Variants in TMEM74 observed in about 807,000 individuals in gnomAD.
TMEM74 encodes the protein transmembrane protein 74.
Under a neutral mutation model 18.1 loss-of-function variants are expected in TMEM74, and 13 were observed. The ratio of observed to expected loss-of-function variants is 0.72; its 90% CI spans 0.47 to 1.14. TMEM74 has a LOEUF of 1.14. Ranked by LOEUF, TMEM74 falls within the 50% of genes most tolerant of loss-of-function variation. The probability of loss-of-function intolerance (pLI) is 0.00; values close to 1 mark genes in which losing one functional copy is unlikely to be tolerated. For synonymous variants in TMEM74, 159 were observed against 146.6 expected (o/e 1.08, Z -0.61); for missense variants, 372 against 375.9 (o/e 0.99, Z 0.09).
intron 1 of TMEM74, among the ~76,000 whole-genome samples, chr8:108,771,453 A>G (rs13272859): frequency 0.26 from 39,106 of 152,160 alleles, 5,514 homozygotes; most frequent in Middle Eastern, 0.33. Flanking sequence ...ATACAAAAAA[A>G]TTATCAATAA....
chr8:108,760,694 T>C (rs1423190399), intron 1 of TMEM74, among the ~76,000 whole-genome samples: 1 of 152,014 alleles, frequency 6.6e-6, no homozygotes, highest in Non-Finnish European at 1.5e-5. Context: ...ATGTCATGCC[T>C]GATAGCTGGT....
chr8:108,610,356 C>T (rs1812322748), intron 2 of TMEM74, among the ~76,000 whole-genome samples: 1 of 152,156 alleles, frequency 6.6e-6, no homozygotes, highest in Non-Finnish European at 1.5e-5. Context: ...TGCATCTGTT[C>T]ATTCAATAAA....
intron 1 of TMEM74, among the ~76,000 whole-genome samples, chr8:108,669,081 C>T (rs1255403837): frequency 2.0e-5 from 3 of 152,030 alleles, no homozygotes; most frequent in African/African-American, 7.2e-5. Flanking sequence ...CCCTACTCAA[C>T]CATTCCCCCT....
intron 1 of TMEM74, among the ~76,000 whole-genome samples, chr8:108,716,752 T>C (rs1391666749): frequency 6.6e-6 from 1 of 151,408 alleles, no homozygotes; most frequent in Non-Finnish European, 1.5e-5. Flanking sequence ...TAACATTGGT[T>C]TAAAACATCA....
At chr8:108,724,993 C>A (rs183405342) in intron 1 of TMEM74, among the ~76,000 whole-genome samples, 1 of 152,346 alleles carries the variant, frequency 6.6e-6, no homozygotes, top group Non-Finnish European at 1.5e-5. Flanking sequence ...CTCTGCCAAC[C>A]AGCCTGGGCA....
At chr8:108,764,643 T>G (rs976445404) in intron 1 of TMEM74, among the ~76,000 whole-genome samples, 3 of 152,078 alleles carry the variant, frequency 2.0e-5, no homozygotes, top group African/African-American at 7.2e-5. Flanking sequence ...GAGACAGTAT[T>G]TCTTTATGCT....
In TMEM74 at chr8:108,715,225, C is replaced by T. The variant is rs562504442; in HGVS notation, n.120-59788G>A. Reference sequence around the variant, plus strand: ...AAATATCTTTATTTAAGCTAAATATCAGGTACTTATGGACACAAAGATGGC... The same window carrying T: ...AAATATCTTTATTTAAGCTAAATATTAGGTACTTATGGACACAAAGATGGC... On this transcript the variant is annotated intron_variant and non_coding_transcript_variant, in intron 1 of 3. Coordinates refer to the TMEM74 transcript ENST00000518838. 2.1e-4 allele frequency among the ~76,000 whole-genome samples: 32 copies of T among 151,572 alleles called. No individual in the cohort carries two copies. In the East Asian group the frequency reaches 5.8e-3, roughly 27 times the overall value.
At chr8:108,698,019 T>G (rs934709546) in intron 1 of TMEM74, among the ~76,000 whole-genome samples, 5 of 152,204 alleles carry the variant, frequency 3.3e-5, no homozygotes, top group Non-Finnish European at 7.3e-5. Context: ...CTCTTGTTCA[T>G]GTGGTTTTTT....
At chr8:108,696,623 A>G (rs1813284118) in intron 1 of TMEM74, among the ~76,000 whole-genome samples, 1 of 152,234 alleles carries the variant, frequency 6.6e-6, no homozygotes, top group Non-Finnish European at 1.5e-5. Flanking sequence ...TACTGTAGTA[A>G]CATTTGGCAG....
chr8:108,692,873 A>G (rs1297365229), intron 1 of TMEM74, among the ~76,000 whole-genome samples: 1 of 152,210 alleles, frequency 6.6e-6, no homozygotes, highest in Non-Finnish European at 1.5e-5. Context: ...AATCTGCTGC[A>G]GCCCTATTCA....
At chr8:108,753,884 T>C (rs991587376) in intron 1 of TMEM74, among the ~76,000 whole-genome samples, 15 of 152,140 alleles carry the variant, frequency 9.9e-5, no homozygotes, top group African/African-American at 3.4e-4. Flanking sequence ...TTACCCCTTC[T>C]ACTGATGTTA....
intron 1 of TMEM74, among the ~76,000 whole-genome samples, chr8:108,769,012 G>T (rs1373786567): frequency 6.6e-6 from 1 of 152,072 alleles, no homozygotes; most frequent in African/African-American, 2.4e-5. Context: ...TATTAAAAAT[G>T]TCACGTGAGG....
At chr8:108,625,549 T>C (rs773665401) in intron 2 of TMEM74, among the ~76,000 whole-genome samples, 5 of 151,992 alleles carry the variant, frequency 3.3e-5, no homozygotes, top group Non-Finnish European at 7.4e-5. Context: ...AACACAAAAT[T>C]ATGTATTGCA....
At chr8:108,738,884 T>C (rs563818857) in intron 1 of TMEM74, among the ~76,000 whole-genome samples, 43 of 152,336 alleles carry the variant, frequency 2.8e-4, no homozygotes, top group Middle Eastern at 3.4e-3. Context: ...CTAGCCATTA[T>C]ATCTACAATT....
chr8:108,672,507 T>C (rs929080743), intron 1 of TMEM74, among the ~76,000 whole-genome samples: 1 of 152,196 alleles, frequency 6.6e-6, no homozygotes, highest in Non-Finnish European at 1.5e-5. Flanking sequence ...TAGGACTATG[T>C]TGTGGGGACC....
chr8:108,749,341 G>A (rs1307416282), intron 1 of TMEM74, among the ~76,000 whole-genome samples: 2 of 152,236 alleles, frequency 1.3e-5, no homozygotes, highest in South Asian at 4.1e-4. Flanking sequence ...GCAGTGGTTT[G>A]TAGTTCTCCT....
intron 1 of TMEM74, among the ~76,000 whole-genome samples, chr8:108,752,157 G>T (rs995558041): frequency 6.6e-6 from 1 of 152,222 alleles, no homozygotes. Context: ...AGATGCAGTG[G>T]TAAAGAGCAC....
chr8:108,692,119 A>C (rs1000421686), intron 1 of TMEM74, among the ~76,000 whole-genome samples: 1 of 152,204 alleles, frequency 6.6e-6, no homozygotes, highest in African/African-American at 2.4e-5. Flanking sequence ...AGATTTGTCT[A>C]AGGTCACATA....
chr8:108,722,735 A>G (rs576999466), intron 1 of TMEM74, among the ~76,000 whole-genome samples: 1 of 149,516 alleles, frequency 6.7e-6, no homozygotes, highest in South Asian at 2.1e-4. Flanking sequence ...TGCTCCCACT[A>G]AGCTGTATTT....
Sources: allele counts gnomAD v4.1 joint callset (sites outside exome capture counted in the v4.1 genomes callset), GRCh38; gene constraint gnomAD v4.1.1; transcripts MANE v1.5; gene names NCBI Gene and HGNC (gene_info 2026-07-23, HGNC 2026-07-21).